Variants in COP1 observed in about 807,000 individuals in gnomAD.
COP1 encodes COP1 E3 ubiquitin ligase.
In COP1, 24 loss-of-function variants were observed where a neutral mutation model predicts 101.3. The observed-to-expected ratio is 0.24, with a 90% CI of 0.17 to 0.33. COP1 has a LOEUF of 0.33. Ranked by LOEUF, COP1 falls within the 10% of genes least tolerant of loss-of-function variation. The pLI is 1.00. For missense variants in COP1, 663 were observed against 906.2 expected, an observed-to-expected ratio of 0.73 and a Z score of 3.45; for synonymous variants, 347 against 341.9, an observed-to-expected ratio of 1.01 and a Z score of -0.17.
At position 176,043,243 on chromosome 1, in the gene COP1, C is replaced by T; in HGVS notation, c.1555G>A (p.Val519Ile). The change falls in exon 14 of 20, where the codon GTT becomes ATT. Residue 519 changes from valine to isoleucine, a missense_variant. This residue lies in a region of COP1 where 209 missense variants were observed against 383.3 expected (regional missense o/e 0.55). Transcript: ENST00000367669. ...TTAGGATCCATCAAATTAAAGTCAA[C>T]ACTCCAACACCTCTTCTCATGCTCC... ...YQEHEKRCWS[V>I]DFNLMDPKLL... 2.5e-6 allele frequency: 4 copies of T among 1,611,842 alleles called. No individual in the cohort carries two copies. The highest frequency in any genetic ancestry group is 2.5e-6 in the Non-Finnish European group (3 of 1,178,138).
intron 15 of COP1, among the ~76,000 whole-genome samples, chr1:175,997,054 T>C (rs1222844428): frequency 2.7e-5 from 4 of 150,930 alleles, no homozygotes; most frequent in South Asian, 2.1e-4. Context: ...AACAGAGATA[T>C]AGATCAATGG....
At chr1:175,988,122 T>C (rs1321198281) in intron 17 of COP1, among the ~76,000 whole-genome samples, 166 bp downstream of exon 17, 2 of 152,252 alleles carry the variant, frequency 1.3e-5, no homozygotes, top group Non-Finnish European at 2.9e-5. Flanking sequence ...AATGCTCTTC[T>C]AGTACAACAC....
intron 15 of COP1, 66 bp downstream of exon 15, chr1:176,027,506 C>A: frequency 1.1e-6 from 1 of 907,186 alleles, no homozygotes; most frequent in Non-Finnish European, 1.8e-6. Flanking sequence ...TTTTAAAATG[C>A]TCTCCTATCC....
chr1:176,057,527 G>A lies in COP1; in HGVS notation c.1278-11203C>T, dbSNP rs1673796065. Among the ~76,000 whole-genome samples, 3 of 152,330 alleles carry A rather than the reference G, an allele frequency of 2.0e-5. No individual in the cohort carries two copies. The South Asian group carries it at 6.2e-4, about 32-fold the overall frequency. On this transcript the variant is annotated intron_variant, in intron 11 of 19. Coordinates refer to ENST00000367669, the MANE Select transcript of COP1 (RefSeq NM_022457.7). ...TTTTCGTATTTTTTTGGTGGAGACG[G>A]GGTTTCGCTGTGTTGGCCGGGCTGG...
chr1:176,004,933 G>A (rs1359519168), intron 15 of COP1, among the ~76,000 whole-genome samples: 8 of 151,696 alleles, frequency 5.3e-5, no homozygotes, highest in Admixed American at 5.3e-4. Context: ...AATGGTACCA[G>A]TTCCTCCTTG....
At chr1:176,054,375 T>A (rs1443291861) in intron 11 of COP1, among the ~76,000 whole-genome samples, 1 of 152,062 alleles carries the variant, frequency 6.6e-6, no homozygotes, top group African/African-American at 2.4e-5. Flanking sequence ...TTGGCCAGAC[T>A]GGTTTCAAAC....
chr1:175,979,159 T>C lies in COP1; in HGVS notation c.2133+7784A>G, dbSNP rs186438740. ...AATTTCCCAAGGAGACCTGGGGAAC[T>C]TTTCAAAATACAGATCTATACCCTC... On this transcript the variant is annotated intron_variant, in intron 18 of 19. Transcript: ENST00000367669. Among the ~76,000 whole-genome samples, 148 of 152,230 alleles carry C rather than the reference T, an allele frequency of 9.7e-4. 1 individual carries two copies. The highest frequency in any genetic ancestry group is 1.6e-3 in the Non-Finnish European group (106 of 67,982).
chr1:176,003,974 A>C (rs10798436), intron 15 of COP1, among the ~76,000 whole-genome samples: 1 of 150,494 alleles, frequency 6.6e-6, no homozygotes, highest in East Asian at 2.0e-4. Context: ...TGATTCTTCC[A>C]ACCCATGAGC....
chr1:176,015,696 C>A (rs544651232), intron 15 of COP1, among the ~76,000 whole-genome samples: 1 of 151,922 alleles, frequency 6.6e-6, no homozygotes, highest in African/African-American at 2.4e-5. Context: ...GCAGGGAAAG[C>A]AACAAAGAGA....
intron 6 of COP1, among the ~76,000 whole-genome samples, chr1:176,146,188 T>C (rs1691561432): frequency 6.6e-6 from 1 of 152,178 alleles, no homozygotes; most frequent in Non-Finnish European, 1.5e-5. Context: ...ATCATTCAAA[T>C]GCTGGTACAA....
chr1:175,968,538 AT>A, intron 18 of COP1: 1 of 515,858 alleles, frequency 1.9e-6, no homozygotes, highest in South Asian at 1.4e-5. Context: ...AGCAGCTTCC[AT>A]TTCTGGTGTG....
At chr1:176,057,967 A>G (rs1673933669) in intron 11 of COP1, among the ~76,000 whole-genome samples, 1 of 150,608 alleles carries the variant, frequency 6.6e-6, no homozygotes, top group African/African-American at 2.4e-5. Context: ...GGATATGAGG[A>G]GCGTCTCTGC....
chr1:176,086,505 C>T (rs1241502270), intron 9 of COP1, among the ~76,000 whole-genome samples: 1 of 152,136 alleles, frequency 6.6e-6, no homozygotes. Flanking sequence ...GGATTACAGG[C>T]ATGAGCCACT....
chr1:176,124,400 A>C, intron 8 of COP1, among the ~76,000 whole-genome samples: 6 of 136,450 alleles, frequency 4.4e-5, no homozygotes, highest in Admixed American at 1.6e-4. Flanking sequence ...AAACGTTCCC[A>C]CCTCCCCTGC....
intron 15 of COP1, among the ~76,000 whole-genome samples, chr1:176,005,971 G>A (rs1304537428): frequency 5.3e-5 from 8 of 152,148 alleles, no homozygotes; most frequent in Non-Finnish European, 8.8e-5. Flanking sequence ...CATTATTAAT[G>A]TGTGGGAGTC....
chr1:176,011,076 A>G (rs1293051549), intron 15 of COP1, among the ~76,000 whole-genome samples: 1 of 152,182 alleles, frequency 6.6e-6, no homozygotes. Context: ...AACAGATTTT[A>G]GTTTATCTCA....
At chr1:175,972,416 C>T (rs1434548441) in intron 18 of COP1, among the ~76,000 whole-genome samples, 7 of 151,488 alleles carry the variant, frequency 4.6e-5, no homozygotes, top group Admixed American at 4.6e-4. Context: ...CTACTTAACA[C>T]ATACCATCTG....
chr1:176,019,184 G>A (rs1025151180), intron 15 of COP1, among the ~76,000 whole-genome samples: 1 of 149,412 alleles, frequency 6.7e-6, no homozygotes, highest in Non-Finnish European at 1.5e-5. Context: ...ATAAATCATG[G>A]CCGGGTGTGG....
At chr1:175,999,105 G>A (rs1660980672) in intron 15 of COP1, among the ~76,000 whole-genome samples, 1 of 151,946 alleles carries the variant, frequency 6.6e-6, no homozygotes, top group Non-Finnish European at 1.5e-5. Flanking sequence ...AGTAAATGTA[G>A]CATCTAATAG....
Sources: gnomAD v4.1 joint callset for allele counts (sites outside exome capture counted in the v4.1 genomes callset) on GRCh38, gnomAD v4.1.1 for gene constraint, gnomAD v4.1.1 regional missense constraint, MANE v1.5 for transcripts, NCBI Gene and HGNC (gene_info 2026-07-23, HGNC 2026-07-21) for gene names.